The following KLHL1 variants were observed in gnomAD, a reference collection of about 807,000 sequenced individuals.
KLHL1 encodes kelch-like protein 1.
KLHL1 carries 47 observed loss-of-function variants against 77.7 expected under a neutral mutation model. The observed-to-expected ratio is 0.60, with a 90% confidence interval of 0.48 to 0.77. The LOEUF is 0.77. Among genes scored for constraint, KLHL1 ranks in the 30% least tolerant of loss-of-function variants. KLHL1 has a pLI of 0.00. For synonymous variants in KLHL1, 360 were observed against 325.2 expected (o/e 1.11, Z -1.15); for missense variants, 925 against 910.8 (o/e 1.02, Z -0.20).
chr13:69,922,986 A>G (rs940148581), intron 4 of KLHL1, among the ~76,000 whole-genome samples: 6 of 152,226 alleles, frequency 3.9e-5, no homozygotes, highest in Non-Finnish European at 5.9e-5. Context: ...ATTGCAAATG[A>G]ATTTCAATAT....
At chr13:69,789,776 T>C (rs1056933500) in intron 7 of KLHL1, among the ~76,000 whole-genome samples, 6 of 152,314 alleles carry the variant, frequency 3.9e-5, no homozygotes, top group Admixed American at 1.3e-4. Context: ...GCCAATAGTG[T>C]GCTTCCAACA....
At chr13:69,833,323 CATAA>C (rs1878839566) in intron 6 of KLHL1, among the ~76,000 whole-genome samples, 1 of 151,698 alleles carries the variant, frequency 6.6e-6, no homozygotes. Context: ...TTCAAAAGAA[CATAA>C]ATAAATAGCC....
intron 2 of KLHL1, among the ~76,000 whole-genome samples, chr13:69,973,401 T>A (rs1245321007): frequency 6.6e-6 from 1 of 151,726 alleles, no homozygotes. Flanking sequence ...CAAGTGCTAA[T>A]AATGTTAGCT....
intron 1 of KLHL1, among the ~76,000 whole-genome samples, chr13:69,991,224 C>T (rs1885019231): frequency 6.6e-6 from 1 of 151,708 alleles, no homozygotes; most frequent in African/African-American, 2.4e-5. Flanking sequence ...AATTAACAAC[C>T]TAACATCACA....
intron 1 of KLHL1, among the ~76,000 whole-genome samples, chr13:70,019,581 A>C (rs1195572191): frequency 6.6e-6 from 1 of 152,176 alleles, no homozygotes; most frequent in African/African-American, 2.4e-5. Context: ...TGCATATATT[A>C]TCACTTTAAT....
chr13:69,844,058 T>C (rs372980118), intron 5 of KLHL1, among the ~76,000 whole-genome samples: 2 of 151,476 alleles, frequency 1.3e-5, no homozygotes, highest in East Asian at 1.9e-4. Flanking sequence ...TCAAATTTTA[T>C]AAATAATGGA....
intron 8 of KLHL1, among the ~76,000 whole-genome samples, chr13:69,730,625 G>C (rs1242581256): frequency 6.6e-6 from 1 of 151,826 alleles, no homozygotes; most frequent in Non-Finnish European, 1.5e-5. Context: ...CCAGGCTATA[G>C]AGCAGGTGGC....
chr13:69,908,402 C>CA (rs569664136), intron 4 of KLHL1, among the ~76,000 whole-genome samples: 3 of 150,864 alleles, frequency 2.0e-5, no homozygotes, highest in Non-Finnish European at 4.4e-5. Context: ...GAAGATTTGA[C>CA]AAAAAAAGTT....
At chr13:69,715,419 G>A (rs1369186613) in intron 9 of KLHL1, among the ~76,000 whole-genome samples, 4 of 152,014 alleles carry the variant, frequency 2.6e-5, no homozygotes, top group African/African-American at 9.7e-5. Context: ...AGACATGCCC[G>A]CTTCCCCTTC....
At chr13:70,064,880 A>T (rs1056176998) in intron 1 of KLHL1, among the ~76,000 whole-genome samples, 1 of 152,182 alleles carries the variant, frequency 6.6e-6, no homozygotes, top group Non-Finnish European at 1.5e-5. Context: ...TAATGTGTAC[A>T]TGTATGAAAC....
intron 4 of KLHL1, among the ~76,000 whole-genome samples, chr13:69,926,453 C>T (rs77155742): frequency 0.012 from 1,894 of 152,172 alleles, 35 homozygotes; most frequent in African/African-American, 0.042. Context: ...ATAAGAACCT[C>T]GATTTCCTCA....
intron 6 of KLHL1, among the ~76,000 whole-genome samples, chr13:69,831,970 T>C (rs1878779643): frequency 6.7e-6 from 1 of 150,176 alleles, no homozygotes; most frequent in Admixed American, 6.7e-5. Flanking sequence ...AAGCCATCTA[T>C]GGCAGACCCA....
chr13:69,804,441 A>G, intron 6 of KLHL1, among the ~76,000 whole-genome samples: 1 of 152,182 alleles, frequency 6.6e-6, no homozygotes, highest in East Asian at 1.9e-4. Context: ...TTCAGTGATA[A>G]AAAGTTTTCT....
At chr13:69,734,655 CAG>C (rs201387969) in intron 8 of KLHL1, among the ~76,000 whole-genome samples, 552 of 151,988 alleles carry the variant, frequency 3.6e-3, no homozygotes, top group Admixed American at 7.1e-3. Flanking sequence ...ATAATACTAA[CAG>C]AGAAAAATAA....
At chr13:70,011,577 T>G (rs973017121) in intron 1 of KLHL1, among the ~76,000 whole-genome samples, 1 of 152,316 alleles carries the variant, frequency 6.6e-6, no homozygotes, top group African/African-American at 2.4e-5. Flanking sequence ...CTTGGCTATT[T>G]GTTTCAAGTG....
intron 5 of KLHL1, among the ~76,000 whole-genome samples, chr13:69,845,552 T>C (rs1879426465): frequency 6.6e-6 from 1 of 151,676 alleles, no homozygotes; most frequent in African/African-American, 2.4e-5. Context: ...TGAAACCATA[T>C]TATATAGTTG....
At chr13:70,021,723 A>G (rs1332508706) in intron 1 of KLHL1, among the ~76,000 whole-genome samples, 4 of 152,042 alleles carry the variant, frequency 2.6e-5, no homozygotes, top group Non-Finnish European at 5.9e-5. Context: ...GAAGCCCCAA[A>G]GACTCTTCAC....
intron 7 of KLHL1, among the ~76,000 whole-genome samples, chr13:69,754,710 T>C (rs1424852971): frequency 1.3e-5 from 2 of 152,176 alleles, no homozygotes; most frequent in African/African-American, 4.8e-5. Flanking sequence ...CTCATATCCA[T>C]GTTTAACATT....
intron 6 of KLHL1, among the ~76,000 whole-genome samples, chr13:69,802,682 T>TC (rs1208788621): frequency 6.6e-6 from 1 of 150,966 alleles, no homozygotes; most frequent in African/African-American, 2.4e-5. Context: ...AGCCCCCCAG[T>TC]CCCGTACCCC....
Sources: allele counts gnomAD v4.1 joint callset (sites outside exome capture counted in the v4.1 genomes callset), GRCh38; gene constraint gnomAD v4.1.1; transcripts MANE v1.5; gene names NCBI Gene and HGNC (gene_info 2026-07-23, HGNC 2026-07-21).